SYT17: variants seen among roughly 807,000 people sequenced by gnomAD.
SYT17 encodes synaptotagmin 17, also known as synaptotagmin-17.
A neutral mutation model predicts 46.7 loss-of-function variants in SYT17; 22 were observed. The observed-to-expected ratio is 0.47, with a 90% confidence interval of 0.34 to 0.67. SYT17 has a LOEUF of 0.67. Ranked by LOEUF, SYT17 falls within the 30% of genes least tolerant of loss-of-function variation. The probability of loss-of-function intolerance (pLI) is 0.01; values close to 1 mark genes in which losing one functional copy is unlikely to be tolerated. For missense variants in SYT17, 519 were observed against 612.8 expected (o/e 0.85, Z 1.62); for synonymous variants, 251 against 248.4 (o/e 1.01, Z -0.10).
chr16:19,217,360 A>G (rs1175005466), intron 5 of SYT17, among the ~76,000 whole-genome samples: 3 of 152,122 alleles, frequency 2.0e-5, no homozygotes, highest in African/African-American at 7.2e-5. Context: ...TGTATCCATT[A>G]AACAGTCACT....
chr16:19,206,034 G>C (rs902727549), intron 5 of SYT17, among the ~76,000 whole-genome samples: 1 of 152,158 alleles, frequency 6.6e-6, no homozygotes, highest in Non-Finnish European at 1.5e-5. Flanking sequence ...AAAAAAGAAG[G>C]CGTAGGCAGG....
chr16:19,185,600 C>G (rs573633240), intron 5 of SYT17, among the ~76,000 whole-genome samples: 79 of 144,724 alleles, frequency 5.5e-4, no homozygotes, highest in Middle Eastern at 3.4e-3. Flanking sequence ...GAGACCCTGT[C>G]TCTTTAAAAA....
intron 7 of SYT17, among the ~76,000 whole-genome samples, chr16:19,258,845 C>T (rs1299460680): frequency 1.3e-5 from 2 of 152,096 alleles, no homozygotes; most frequent in Admixed American, 1.3e-4. Context: ...TTAAATGAGT[C>T]AATCCACTGA....
At chr16:19,247,027 A>G (rs1257911885) in intron 7 of SYT17, among the ~76,000 whole-genome samples, 4 of 152,208 alleles carry the variant, frequency 2.6e-5, no homozygotes, top group African/African-American at 9.7e-5. Context: ...GCCAGGGGGA[A>G]GGTGACCTTT....
At chr16:19,210,609 TGAAGA>T (rs1374003011) in intron 5 of SYT17, among the ~76,000 whole-genome samples, 2 of 151,464 alleles carry the variant, frequency 1.3e-5, no homozygotes, top group Admixed American at 1.3e-4. Context: ...GGAAAAAAAG[TGAAGA>T]GAAGAAAGAA....
chr16:19,201,403 T>C (rs1965456484), intron 5 of SYT17, among the ~76,000 whole-genome samples: 1 of 152,082 alleles, frequency 6.6e-6, no homozygotes, highest in Non-Finnish European at 1.5e-5. Flanking sequence ...AGATAGACTC[T>C]TACACAGTAG....
chr16:19,259,081 G>A (rs1462412104), intron 7 of SYT17, among the ~76,000 whole-genome samples: 1 of 152,172 alleles, frequency 6.6e-6, no homozygotes, highest in Non-Finnish European at 1.5e-5. Context: ...AATAGGCAGG[G>A]TGTGTCCATG....
At chr16:19,204,185 C>T (rs1965577509) in intron 5 of SYT17, among the ~76,000 whole-genome samples, 1 of 152,044 alleles carries the variant, frequency 6.6e-6, no homozygotes, top group Non-Finnish European at 1.5e-5. Flanking sequence ...GCACCCCTGG[C>T]CCCACCCATT....
At chr16:19,208,046 A>G (rs1378452684) in intron 5 of SYT17, among the ~76,000 whole-genome samples, 1 of 152,256 alleles carries the variant, frequency 6.6e-6, no homozygotes, top group Non-Finnish European at 1.5e-5. Flanking sequence ...AGCTTAGTAT[A>G]GCAAAGCACC....
rs1231894803 is a variant in SYT17 at position 19,168,721 on chromosome 16, G to A, written c.15+60G>A. ...GGGTAGGGGGTGCCGCGCCCCCTCC[G>A]GCTGGGAGCGCGCGGAAGGGAGGGC... On this transcript the variant is annotated intron_variant, in intron 1 of 7. Transcript: ENST00000355377. This position sits in a 1 kb window ranked among gnomAD's most constrained non-coding sequence, Gnocchi z 6.9. The A allele has an allele frequency of 7.1e-7, 1 of 1,418,052 alleles. No individual in the cohort carries two copies. The highest frequency in any genetic ancestry group is 1.5e-5 in the South Asian group (1 of 66,600). The allele number at this position is 1,418,052 out of a possible 1,614,324, so 87.8% of individuals were successfully genotyped here.
intron 7 of SYT17, among the ~76,000 whole-genome samples, chr16:19,244,439 T>C (rs1390851710): frequency 2.0e-5 from 3 of 152,104 alleles, no homozygotes; most frequent in South Asian, 2.1e-4. Context: ...GCTCAAGTGA[T>C]CCTCCCGCCT....
chr16:19,232,055 G>A (rs374069992), intron 7 of SYT17, among the ~76,000 whole-genome samples: 2 of 152,152 alleles, frequency 1.3e-5, no homozygotes, highest in Admixed American at 1.3e-4. Flanking sequence ...AGAGAGGTCG[G>A]CCGGGCTCCC....
At chr16:19,187,261 C>G (rs561526082) in intron 5 of SYT17, among the ~76,000 whole-genome samples, 3 of 152,212 alleles carry the variant, frequency 2.0e-5, no homozygotes, top group Admixed American at 6.5e-5. Flanking sequence ...AGGCTGGTCT[C>G]CAACTCCTAG....
rs1019704035 is a variant in SYT17, at chr16:19,168,860, G to A, written c.15+199G>A. Among the ~76,000 whole-genome samples the A allele has an allele frequency of 1.1e-4, 17 of 152,158 alleles. No homozygotes were observed. Among genetic ancestry groups the A allele is most frequent in the African/African-American group, 4.1e-4 (17 of 41,440 alleles). ...GAGAGACTGGGGACCCCCAAACCCC[G>A]GGATGGAGGGTCCTATGTGTACTCT... On this transcript the variant is annotated intron_variant, in intron 1 of 7. Coordinates refer to ENST00000355377, the MANE Select transcript of SYT17 (RefSeq NM_016524.4). This position sits in a 1 kb window ranked among gnomAD's most constrained non-coding sequence, Gnocchi z 6.9.
intron 7 of SYT17, among the ~76,000 whole-genome samples, chr16:19,260,753 A>T (rs12921478): frequency 1.3e-5 from 2 of 151,834 alleles, no homozygotes; most frequent in East Asian, 1.9e-4. Context: ...CATTTAAAAG[A>T]GTCCCCCATA....
At chr16:19,227,609 G>A (rs1966543129) in intron 7 of SYT17, among the ~76,000 whole-genome samples, 1 of 152,106 alleles carries the variant, frequency 6.6e-6, no homozygotes, top group African/African-American at 2.4e-5. Context: ...GAGCCACCAC[G>A]CCTGGCCTAA....
intron 7 of SYT17, among the ~76,000 whole-genome samples, chr16:19,257,596 C>T (rs531922353): frequency 6.6e-6 from 1 of 151,990 alleles, no homozygotes. Flanking sequence ...TATGTCTCCT[C>T]CAACAGTTAA....
chr16:19,217,261 T>A (rs1238518366), intron 5 of SYT17, among the ~76,000 whole-genome samples: 1 of 152,142 alleles, frequency 6.6e-6, no homozygotes, highest in Non-Finnish European at 1.5e-5. Flanking sequence ...TGTGCAACCA[T>A]CACCTCTATC....
chr16:19,209,949 A>G (rs771944414), intron 5 of SYT17, among the ~76,000 whole-genome samples: 6 of 152,156 alleles, frequency 3.9e-5, no homozygotes, highest in Non-Finnish European at 7.3e-5. Flanking sequence ...CAATAGGAAA[A>G]TGGTTAATAT....
Sources: gnomAD v4.1 joint callset for allele counts (sites outside exome capture counted in the v4.1 genomes callset) on GRCh38, gnomAD v4.1.1 for gene constraint, Gnocchi (gnomAD v3.1) non-coding constraint, MANE v1.5 for transcripts, NCBI Gene and HGNC (gene_info 2026-07-23, HGNC 2026-07-21) for gene names.